ZFP90: variants seen among roughly 807,000 people sequenced by gnomAD.
ZFP90 encodes the protein zinc finger protein 90 homolog.
ZFP90 carries 38 observed loss-of-function variants against 60.8 expected under a neutral mutation model. The ratio of observed to expected loss-of-function variants is 0.62; its 90% CI spans 0.48 to 0.82. The LOEUF is 0.82. Among genes scored for constraint, ZFP90 ranks in the 40% least tolerant of loss-of-function variants. ZFP90 has a pLI of 0.00. For synonymous variants in ZFP90, 287 were observed against 264.8 expected (o/e 1.08, Z -0.82); for missense variants, 711 against 759.1 (o/e 0.94, Z 0.74).
At chr16:68,535,756 C>CT (rs1483931203), upstream of ZFP90, 9 of 152,086 alleles carry the variant, frequency 5.9e-5, no homozygotes, top group Non-Finnish European at 1.3e-4. Flanking sequence ...CTACTACTCT[C>CT]TAAGTTTATT....
downstream of ZFP90, among the ~76,000 whole-genome samples, chr16:68,568,664 T>G (rs1260621729): frequency 1.3e-5 from 2 of 152,028 alleles, no homozygotes; most frequent in Non-Finnish European, 2.9e-5. Context: ...GGGAAGTGAA[T>G]AGGTTAACAA....
At chr16:68,535,098 T>C (rs2090951016), upstream of ZFP90, among the ~76,000 whole-genome samples, 1 of 152,194 alleles carries the variant, frequency 6.6e-6, no homozygotes, top group Non-Finnish European at 1.5e-5. Context: ...CTTGGGATTA[T>C]ATCTGGGGAA....
chr16:68,558,372 C>G (rs572281704), intron 3 of ZFP90, 101 bp from the exon 4 acceptor site: 11 of 1,236,504 alleles, frequency 8.9e-6, no homozygotes, highest in African/African-American at 7.4e-5. Flanking sequence ...TTTTTTCCTT[C>G]AGAGTTCCTG....
rs2090997880 is a variant in ZFP90, at chr16:68,539,565, G to C, written c.-36+86G>C. ...CCACCCTGCGAAGGGGACTGGGCGT[G>C]GCCGGAGGGGGGTGTCCGGGAGGCC... On this transcript the variant is annotated intron_variant, in intron 1 of 4. Transcript: ENST00000563169. The C allele has an allele frequency of 1.5e-5, 8 of 539,574 alleles. No individual in the cohort carries two copies. The Admixed American group carries it at 2.5e-4, about 17-fold the overall frequency. 33.4% of individuals were successfully genotyped at this position (539,574 alleles called of 1,614,324 possible).
intron 2 of ZFP90, among the ~76,000 whole-genome samples, chr16:68,548,472 T>C (rs1312044244): frequency 7.3e-6 from 1 of 137,902 alleles, no homozygotes; most frequent in Non-Finnish European, 1.5e-5. Flanking sequence ...CTGTTTATCC[T>C]CCTTTTTTTT....
intron 2 of ZFP90, chr16:68,533,897 G>A (rs2090943383): frequency 6.6e-6 from 1 of 152,084 alleles, no homozygotes; most frequent in Non-Finnish European, 1.5e-5. Flanking sequence ...GATCATCTTT[G>A]GTGTTCTATA....
At chr16:68,569,136 C>CTTTTTTTTT (rs35827680), downstream of ZFP90, among the ~76,000 whole-genome samples, 1 of 123,046 alleles carries the variant, frequency 8.1e-6, no homozygotes, top group East Asian at 2.4e-4. Context: ...ATTAGTCCCA[C>CTTTTTTTTT]TTTTTTTTTT....
chr16:68,571,414 A>G (rs1344870384), downstream of ZFP90, among the ~76,000 whole-genome samples: 1 of 152,252 alleles, frequency 6.6e-6, no homozygotes, highest in East Asian at 1.9e-4. Context: ...ACAGTGGTGC[A>G]TAGGTATTCG....
At chr16:68,535,615 A>G (rs2090954635), upstream of ZFP90, 1 of 152,292 alleles carries the variant, frequency 6.6e-6, no homozygotes, top group Admixed American at 6.5e-5. Flanking sequence ...GACTTGAGCT[A>G]TACTAGGCAT....
chr16:68,535,543 A>C (rs2090954019), upstream of ZFP90: 1 of 152,138 alleles, frequency 6.6e-6, no homozygotes, highest in Non-Finnish European at 1.5e-5. Flanking sequence ...TATCTTAACC[A>C]ATGAGGTTTA....
chr16:68,562,846 A>G, intron 4 of ZFP90, 198 bp from the exon 5 acceptor site: 1 of 1,261,090 alleles, frequency 7.9e-7, no homozygotes. Flanking sequence ...CTCTGGACTT[A>G]CCACATACTC....
chr16:68,570,658 C>T (rs79503562), downstream of ZFP90, among the ~76,000 whole-genome samples: 8,389 of 152,312 alleles, frequency 0.055, 622 homozygotes, highest in African/African-American at 0.17. Flanking sequence ...GCACTGTCTG[C>T]TGGTTCCCAC....
chr16:68,536,984 T>A (rs1466818205), upstream of ZFP90, among the ~76,000 whole-genome samples: 2 of 152,164 alleles, frequency 1.3e-5, no homozygotes, highest in African/African-American at 2.4e-5. Context: ...CACTCTCTTA[T>A]CCCTCACTCT....
chr16:68,572,831 A>G (rs1368298777), intron 2 of ZFP90, among the ~76,000 whole-genome samples: 1 of 152,214 alleles, frequency 6.6e-6, no homozygotes, highest in African/African-American at 2.4e-5. Flanking sequence ...AAGGTGGTAA[A>G]GGATCGAACA....
rs2091502414 is a variant in ZFP90 at position 68,564,971 on chromosome 16, C to G, written c.*273C>G. On this transcript the variant is annotated 3_prime_UTR_variant, in exon 5 of 5. Coordinates refer to ENST00000563169, the MANE Select transcript of ZFP90 (RefSeq NM_001305203.2). ...GACTTTGCTTTTGAATATATGTATG[C>G]AGGATATCATCAAGTTTCAACATCT... The G allele has an allele frequency of 8.7e-7, 1 of 1,145,104 alleles. No individual in the cohort carries two copies. The highest frequency in any genetic ancestry group is 3.7e-5 in the South Asian group (1 of 27,210). 70.9% of individuals were successfully genotyped at this position (1,145,104 alleles called of 1,614,324 possible).
At chr16:68,540,308 C>T (rs1173847301) in intron 2 of ZFP90, among the ~76,000 whole-genome samples, 1 of 151,974 alleles carries the variant, frequency 6.6e-6, no homozygotes, top group African/African-American at 2.4e-5. Flanking sequence ...CTTTCTTGGG[C>T]AAGGAGGCAA....
chr16:68,556,505 C>T (rs1324823738), intron 2 of ZFP90, among the ~76,000 whole-genome samples: 1 of 152,158 alleles, frequency 6.6e-6, no homozygotes, highest in Admixed American at 6.5e-5. Context: ...AATCACAGTA[C>T]CTGCTGACAG....
upstream of ZFP90, among the ~76,000 whole-genome samples, chr16:68,536,177 G>A (rs1567388942): frequency 6.6e-6 from 1 of 152,194 alleles, no homozygotes; most frequent in Non-Finnish European, 1.5e-5. Flanking sequence ...TACCAGTGCA[G>A]GTTTTAAAAC....
At chr16:68,541,007 G>A (rs547526129) in intron 2 of ZFP90, among the ~76,000 whole-genome samples, 14 of 147,206 alleles carry the variant, frequency 9.5e-5, no homozygotes, top group South Asian at 4.4e-4. Context: ...CATGGTGCAC[G>A]CCACCATGCC....
Sources: allele counts gnomAD v4.1 joint callset (sites outside exome capture counted in the v4.1 genomes callset), GRCh38; gene constraint gnomAD v4.1.1; transcripts MANE v1.5; gene names NCBI Gene and HGNC (gene_info 2026-07-23, HGNC 2026-07-21).